The following ZBTB10 variants were observed in gnomAD, a reference collection of about 807,000 sequenced individuals.
ZBTB10 encodes the protein zinc finger and BTB domain-containing protein 10.
A neutral mutation model predicts 76.4 loss-of-function variants in ZBTB10; 32 were observed. That is an observed-to-expected ratio of 0.42 (90% CI 0.32 to 0.56). The LOEUF is 0.56. ZBTB10 is among the 20% of genes least tolerant of loss of function. The pLI is 0.14. For missense variants in ZBTB10, 1,057 were observed against 1,098.5 expected (o/e 0.96, Z 0.53); for synonymous variants, 523 against 432.9 (o/e 1.21, Z -2.58).
intron 5 of ZBTB10, 83 bp downstream of exon 5, chr8:80,519,037 G>T: frequency 6.9e-7 from 1 of 1,458,750 alleles, no homozygotes; most frequent in South Asian, 1.4e-5. Flanking sequence ...ACAGTTAATT[G>T]TGAATTTAAG....
intron 2 of ZBTB10, among the ~76,000 whole-genome samples, chr8:80,504,904 C>T (rs776437687): frequency 1.3e-5 from 2 of 152,172 alleles, no homozygotes; most frequent in Non-Finnish European, 2.9e-5. Flanking sequence ...CGTGTATTCA[C>T]ACATGTTGTG....
Position 80,486,754 on chromosome 8 carries a change from C to A in ZBTB10, c.-57C>A. On this transcript the variant is annotated 5_prime_UTR_variant, in exon 1 of 6. Coordinates refer to ENST00000455036, the MANE Select transcript of ZBTB10 (RefSeq NM_001105539.3). ...GGAGCCGCGGGGAGCGCGCGGGACG[C>A]GGCCCGAGGCCGTGCGCGAGCCGGG... 2 of 1,089,642 alleles carry A rather than the reference C, an allele frequency of 1.8e-6. No homozygotes were observed. Among genetic ancestry groups the A allele is most frequent in the Non-Finnish European group, 2.2e-6 (2 of 896,974 alleles). 67.5% of individuals were successfully genotyped at this position (1,089,642 alleles called of 1,614,324 possible). A position where few individuals can be genotyped will look rare whatever the true frequency, so the allele number is the denominator to read the frequency against.
intron 1 of ZBTB10, among the ~76,000 whole-genome samples, chr8:80,488,757 T>A (rs1295433107): frequency 6.6e-6 from 1 of 152,262 alleles, no homozygotes; most frequent in East Asian, 1.9e-4. Context: ...TTTTTGACTT[T>A]AAGGCAACCT....
At chr8:80,512,142 C>T (rs576951297) in intron 2 of ZBTB10, among the ~76,000 whole-genome samples, 8 of 152,070 alleles carry the variant, frequency 5.3e-5, no homozygotes, top group African/African-American at 9.7e-5. Context: ...ATTGTTCTGA[C>T]TTCCAACCCA....
At chr8:80,493,207 GCA>G (rs369440030) in intron 1 of ZBTB10, among the ~76,000 whole-genome samples, 13,383 of 124,934 alleles carry the variant, frequency 0.11, 693 homozygotes, top group Middle Eastern at 0.15. Context: ...GCGCGCGCGC[GCA>G]CACACACACA....
chr8:80,504,078 A>G (rs1458650737), intron 2 of ZBTB10, among the ~76,000 whole-genome samples: 2 of 152,208 alleles, frequency 1.3e-5, no homozygotes, highest in Admixed American at 1.3e-4. Flanking sequence ...ATTTAGGACT[A>G]TGCTGCATGA....
chr8:80,508,459 A>G (rs1816112725), intron 2 of ZBTB10, among the ~76,000 whole-genome samples: 1 of 152,270 alleles, frequency 6.6e-6, no homozygotes, highest in Non-Finnish European at 1.5e-5. Context: ...GCAATAGGCC[A>G]CATAATGTCA....
rs1381186806 is a variant in ZBTB10 at position 80,522,507 on chromosome 8, T to C, written c.*2979T>C. On this transcript the variant is annotated 3_prime_UTR_variant, in exon 6 of 6. Coordinates refer to ENST00000455036, the MANE Select transcript of ZBTB10 (RefSeq NM_001105539.3). Reference sequence around the variant, plus strand: ...TATGGACCCCTGTTCATTTTTCTTATTTACTAGATATTTTGCTAAATTTAG... The same window carrying C: ...TATGGACCCCTGTTCATTTTTCTTACTTACTAGATATTTTGCTAAATTTAG... 6.6e-6 allele frequency: 1 copy of C among 151,914 alleles called. No individual in the cohort carries two copies. Among genetic ancestry groups the C allele is most frequent in the Non-Finnish European group, 1.5e-5 (1 of 67,858 alleles). The allele number at this position is 151,914 out of a possible 1,614,324, so 9.4% of individuals were successfully genotyped here. A position where few individuals can be genotyped will look rare whatever the true frequency, so the allele number is the denominator to read the frequency against.
intron 2 of ZBTB10, among the ~76,000 whole-genome samples, chr8:80,502,290 C>T (rs1815944284): frequency 6.6e-6 from 1 of 152,196 alleles, no homozygotes; most frequent in South Asian, 2.1e-4. Flanking sequence ...GGCTGGAGTG[C>T]AGTGGCACAG....
Position 80,487,554 on chromosome 8 carries a change from C to T in ZBTB10, c.744C>T (p.Cys248=), listed in dbSNP as rs770737100. ...AGTCTCTAATGCAGAAGCTCCAATGCTCCTTCCAGACCTCCTGGCTCAAGG... is the reference window on the plus strand; with the variant it reads ...AGTCTCTAATGCAGAAGCTCCAATGTTCCTTCCAGACCTCCTGGCTCAAGG... ...RPKSLMQKLQ[C]SFQTSWLKDF... is the part of the protein sequence containing the mutation. The change falls in exon 1 of 6, where the codon TGC becomes TGT. Residue 248 remains cysteine, a synonymous_variant. Transcript: ENST00000455036. 1.9e-6 allele frequency: 3 copies of T among 1,605,056 alleles called. No individual in the cohort carries two copies. Among genetic ancestry groups the T allele is most frequent in the East Asian group, 2.2e-5 (1 of 44,644 alleles).
intron 1 of ZBTB10, among the ~76,000 whole-genome samples, chr8:80,488,343 T>C (rs1351611655): frequency 6.6e-6 from 1 of 152,264 alleles, no homozygotes; most frequent in Non-Finnish European, 1.5e-5. Context: ...CTATTTGGAA[T>C]TCCTTGCTCT....
rs117729745 is a variant in ZBTB10, at chr8:80,508,584, G to T, written c.1862-5326G>T. On this transcript the variant is annotated intron_variant, in intron 2 of 5. Coordinates refer to ENST00000455036, the MANE Select transcript of ZBTB10 (RefSeq NM_001105539.3). ...TTAGATTATTTAAGATGCATGACGGGGTGCAGTGGAACAGTCCTAACTGCC... is the reference window on the plus strand; with the variant it reads ...TTAGATTATTTAAGATGCATGACGGTGTGCAGTGGAACAGTCCTAACTGCC... Among the ~76,000 whole-genome samples, 488 of 152,224 alleles carry T rather than the reference G, an allele frequency of 3.2e-3. 3 individuals are homozygous for T. The highest frequency in any genetic ancestry group is 5.6e-3 in the Non-Finnish European group (383 of 68,002).
chr8:80,500,407 C>G, intron 2 of ZBTB10, 25 bp downstream of exon 2: 2 of 1,473,914 alleles, frequency 1.4e-6, no homozygotes, highest in African/African-American at 2.8e-5. Context: ...TACAAGGATA[C>G]TTCCTTGTTC....
chr8:80,514,941 A>C (rs1816289262), intron 3 of ZBTB10, among the ~76,000 whole-genome samples: 1 of 152,216 alleles, frequency 6.6e-6, no homozygotes, highest in South Asian at 2.1e-4. Context: ...CAAACTCTAA[A>C]ATGTTAATGT....
upstream of ZBTB10, chr8:80,486,047 C>T: frequency 2.0e-6 from 2 of 1,024,850 alleles, no homozygotes; most frequent in South Asian, 3.6e-5. Flanking sequence ...TTCCCCGCGG[C>T]CGCACCCCCG....
chr8:80,515,693 A>T (rs764512218), intron 3 of ZBTB10, among the ~76,000 whole-genome samples: 16 of 152,180 alleles, frequency 1.1e-4, no homozygotes, highest in Non-Finnish European at 1.8e-4. Flanking sequence ...CTTAAAGGGG[A>T]CATTTCGATT....
chr8:80,512,166 A>G (rs957141367), intron 2 of ZBTB10, among the ~76,000 whole-genome samples: 3 of 152,136 alleles, frequency 2.0e-5, no homozygotes, highest in African/African-American at 7.2e-5. Context: ...ACTCTAAGCA[A>G]TAATGCTACA....
At chr8:80,511,120 G>A (rs1315606061) in intron 2 of ZBTB10, among the ~76,000 whole-genome samples, 2 of 152,312 alleles carry the variant, frequency 1.3e-5, no homozygotes, top group Non-Finnish European at 2.9e-5. Flanking sequence ...ACCTGTTTTT[G>A]AGATTTGTTT....
intron 2 of ZBTB10, among the ~76,000 whole-genome samples, chr8:80,511,488 AT>A (rs1816193037): frequency 6.6e-6 from 1 of 152,134 alleles, no homozygotes; most frequent in South Asian, 2.1e-4. Flanking sequence ...TGTATTTTTT[AT>A]TTTTATTTCA....
Sources: allele counts gnomAD v4.1 joint callset (sites outside exome capture counted in the v4.1 genomes callset), GRCh38; gene constraint gnomAD v4.1.1; transcripts MANE v1.5; gene names NCBI Gene and HGNC (gene_info 2026-07-23, HGNC 2026-07-21).